Variants in SLCO5A1 observed in about 807,000 individuals in gnomAD.
SLCO5A1 encodes the protein solute carrier organic anion transporter family member 5A1.
A neutral mutation model predicts 65.1 loss-of-function variants in SLCO5A1; 39 were observed. The ratio of observed to expected loss-of-function variants is 0.60; its 90% CI spans 0.46 to 0.78. The LOEUF (loss-of-function observed/expected upper bound fraction) is 0.78. Ranked by LOEUF, SLCO5A1 falls within the 30% of genes least tolerant of loss-of-function variation. SLCO5A1 has a pLI of 0.00. For synonymous variants in SLCO5A1, 438 were observed against 415.7 expected (o/e 1.05, Z -0.65); for missense variants, 1,029 against 1,069.4 (o/e 0.96, Z 0.53).
chr8:69,678,659 A>G (rs1437143002), intron 8 of SLCO5A1, among the ~76,000 whole-genome samples: 3 of 152,092 alleles, frequency 2.0e-5, no homozygotes, highest in Admixed American at 2.0e-4. Context: ...ATTGCAGTGC[A>G]AAAAAATAGC....
chr8:69,816,034 A>C (rs1258503179), intron 2 of SLCO5A1, among the ~76,000 whole-genome samples: 2 of 152,178 alleles, frequency 1.3e-5, no homozygotes, highest in African/African-American at 2.4e-5. Flanking sequence ...CCATCCATAT[A>C]TTCAATACTT....
chr8:69,716,050 T>TATA (rs1463635517), intron 5 of SLCO5A1, among the ~76,000 whole-genome samples: 1 of 143,738 alleles, frequency 7.0e-6, no homozygotes, highest in Non-Finnish European at 1.5e-5. Flanking sequence ...GTGTGCCTGT[T>TATA]TGAGACCTTT....
chr8:69,828,589 G>A (rs1259345738), intron 2 of SLCO5A1, among the ~76,000 whole-genome samples: 5 of 151,162 alleles, frequency 3.3e-5, no homozygotes, highest in East Asian at 1.9e-4. Flanking sequence ...GCGACAGAGC[G>A]AGACTCGTCT....
intron 7 of SLCO5A1, 50 bp downstream of exon 7, chr8:69,682,134 T>C: frequency 6.5e-7 from 1 of 1,547,838 alleles, no homozygotes; most frequent in South Asian, 1.2e-5. Context: ...ATCACATCCT[T>C]GTCACAGGAT....
intron 2 of SLCO5A1, among the ~76,000 whole-genome samples, chr8:69,808,976 C>T (rs1297247618): frequency 6.6e-6 from 1 of 151,926 alleles, no homozygotes; most frequent in Non-Finnish European, 1.5e-5. Context: ...TGGTGGTGGG[C>T]GCCCATAATC....
At chr8:69,682,815 T>C (rs1813841005) in intron 6 of SLCO5A1, among the ~76,000 whole-genome samples, 1 of 152,240 alleles carries the variant, frequency 6.6e-6, no homozygotes, top group South Asian at 2.1e-4. Context: ...GTTATTAATA[T>C]ACGTTCCTTC....
intron 5 of SLCO5A1, among the ~76,000 whole-genome samples, chr8:69,707,534 A>G (rs2959577): frequency 0.62 from 94,329 of 152,112 alleles, 29,510 homozygotes; most frequent in South Asian, 0.72. Context: ...TAGGGAAAAC[A>G]GAGACCATGA....
chr8:69,758,849 TTCATGAACCATGAC>T (rs1273461687), intron 3 of SLCO5A1, among the ~76,000 whole-genome samples: 1 of 152,098 alleles, frequency 6.6e-6, no homozygotes, highest in East Asian at 1.9e-4. Context: ...CTAAATCCCT[TTCATGAACCATGAC>T]TCAGAGACCA....
chr8:69,692,733 C>T (rs1814325871), intron 6 of SLCO5A1, among the ~76,000 whole-genome samples: 1 of 152,150 alleles, frequency 6.6e-6, no homozygotes, highest in Non-Finnish European at 1.5e-5. Context: ...CACTGTCTCC[C>T]ACCCCCATAT....
intron 6 of SLCO5A1, among the ~76,000 whole-genome samples, chr8:69,691,678 A>G (rs1207265787): frequency 6.6e-6 from 1 of 152,164 alleles, no homozygotes; most frequent in Admixed American, 6.5e-5. Flanking sequence ...TTAAGGCTGA[A>G]TAGTGTTCCA....
chr8:69,804,444 G>T (rs1207720355), intron 2 of SLCO5A1, among the ~76,000 whole-genome samples: 1 of 152,018 alleles, frequency 6.6e-6, no homozygotes, highest in Non-Finnish European at 1.5e-5. Flanking sequence ...CTCCCAAGTA[G>T]CTTGGATTAC....
chr8:69,826,633 AG>A (rs1820928453), intron 2 of SLCO5A1, among the ~76,000 whole-genome samples: 1 of 152,182 alleles, frequency 6.6e-6, no homozygotes, highest in African/African-American at 2.4e-5. Context: ...AGGAAACAAC[AG>A]GTGCTGGAGA....
chr8:69,799,897 C>T (rs1819662154), intron 2 of SLCO5A1, among the ~76,000 whole-genome samples: 1 of 152,116 alleles, frequency 6.6e-6, no homozygotes, highest in Admixed American at 6.5e-5. Context: ...CACAGCCAAA[C>T]CATATCAAAG....
intron 2 of SLCO5A1, among the ~76,000 whole-genome samples, chr8:69,798,801 A>C (rs1263685470): frequency 6.6e-6 from 1 of 152,262 alleles, no homozygotes; most frequent in Non-Finnish European, 1.5e-5. Flanking sequence ...GTTTCCAAAG[A>C]GGAAGCTGAA....
Position 69,668,572 on chromosome 8 carries a change from C to T in SLCO5A1, c.*4297G>A, listed in dbSNP as rs1252934863. The T allele has an allele frequency of 6.6e-6, 1 of 152,178 alleles. No homozygotes were observed. Among genetic ancestry groups the T allele is most frequent in the Non-Finnish European group, 1.5e-5 (1 of 68,046 alleles). 9.4% of individuals were successfully genotyped at this position (152,178 alleles called of 1,614,324 possible). A position where few individuals can be genotyped will look rare whatever the true frequency, so the allele number is the denominator to read the frequency against. On this transcript the variant is annotated 3_prime_UTR_variant, in exon 10 of 10. Transcript: ENST00000260126. ...CCGAGGCTTGGGCTTGCCTCCTGCT[C>T]CTGGGTGCACTAGGGAATTCCCATC...
At chr8:69,793,946 A>C (rs1819380470) in intron 2 of SLCO5A1, 1 of 155,012 alleles carries the variant, frequency 6.5e-6, no homozygotes, top group Non-Finnish European at 1.4e-5. Flanking sequence ...TATTCTTTGC[A>C]ACAACTCTAT....
chr8:69,720,739 T>C (rs1012394983), intron 5 of SLCO5A1, among the ~76,000 whole-genome samples: 8 of 152,258 alleles, frequency 5.3e-5, no homozygotes, highest in African/African-American at 1.2e-4. Flanking sequence ...TCATAGAATT[T>C]GGAAGGGCGC....
chr8:69,762,170 CTTT>C, intron 2 of SLCO5A1, among the ~76,000 whole-genome samples: 1 of 84,636 alleles, frequency 1.2e-5, no homozygotes, highest in African/African-American at 3.7e-5. Context: ...TTCTTTCTTT[CTTT>C]CTTTCTTTCT....
At chr8:69,699,460 GC>G (rs1814631548) in intron 6 of SLCO5A1, among the ~76,000 whole-genome samples, 1 of 152,146 alleles carries the variant, frequency 6.6e-6, no homozygotes, top group Non-Finnish European at 1.5e-5. Context: ...TCAGAGGTAA[GC>G]CCTTGGGTTC....
Sources: allele counts gnomAD v4.1 joint callset (sites outside exome capture counted in the v4.1 genomes callset), GRCh38; gene constraint gnomAD v4.1.1; transcripts MANE v1.5; gene names NCBI Gene and HGNC (gene_info 2026-07-23, HGNC 2026-07-21).